Variants in VPS53 observed in about 807,000 individuals in gnomAD.
VPS53 encodes VPS53 subunit of GARP complex.
A neutral mutation model predicts 107.0 loss-of-function variants in VPS53; 70 were observed. The ratio of observed to expected loss-of-function variants is 0.65; its 90% confidence interval spans 0.54 to 0.80. VPS53 has a LOEUF of 0.80. Ranked by LOEUF, VPS53 falls within the 30% of genes least tolerant of loss-of-function variation. The pLI is 0.00. For synonymous variants in VPS53, 409 were observed against 393.3 expected (o/e 1.04, Z -0.47); for missense variants, 917 against 1,049.4 (o/e 0.87, Z 1.74).
rs187045881 is a variant in VPS53, at chr17:586,170, C to T, written c.1313+100G>A. On this transcript the variant is annotated intron_variant, in intron 13 of 21. Transcript: ENST00000437048. ...AGGGAGGGTCACAGGCATGCCACAA[C>T]CATCTTTCAGCCCCGGAAGGAGCTG... The T allele has an allele frequency of 2.1e-3, 2,237 of 1,063,716 alleles. 8 individuals carry two copies. The highest frequency in any genetic ancestry group is 6.4e-3 in the Middle Eastern group (31 of 4,880). The allele number at this position is 1,063,716 out of a possible 1,614,324, so 65.9% of individuals were successfully genotyped here.
chr17:536,803 G>T, intron 18 of VPS53: 1 of 516,028 alleles, frequency 1.9e-6, no homozygotes, highest in Non-Finnish European at 3.4e-6. Flanking sequence ...GTCAGAGTCC[G>T]GGTGATAATG....
At chr17:627,745 A>G (rs1029253608) in intron 9 of VPS53, among the ~76,000 whole-genome samples, 2 of 149,598 alleles carry the variant, frequency 1.3e-5, no homozygotes, top group Non-Finnish European at 3.0e-5. Context: ...ACTGCGTTCC[A>G]GCCTGGGCAA....
intron 11 of VPS53, among the ~76,000 whole-genome samples, chr17:607,010 C>T (rs1167063767): frequency 1.3e-5 from 2 of 152,048 alleles, no homozygotes. Flanking sequence ...ATGCATTTCT[C>T]AGAACATATT....
intron 13 of VPS53, among the ~76,000 whole-genome samples, chr17:565,893 C>A (rs182615892): frequency 6.6e-6 from 1 of 152,160 alleles, no homozygotes; most frequent in African/African-American, 2.4e-5. Flanking sequence ...TTAGACAGTG[C>A]GAGGATGCCA....
chr17:553,443 T>C lies in VPS53; in HGVS notation c.1724A>G (p.Glu575Gly), dbSNP rs1349116518. Reference sequence around the variant, plus strand: ...TTCAATCAGACTTACATCCACTTTTTCTTTGAGTTTTTCTTCTAGCTGTTG... The same window carrying C: ...TTCAATCAGACTTACATCCACTTTTCCTTTGAGTTTTTCTTCTAGCTGTTG... The part of the protein sequence containing the change: ...TTQQLEEKLK[E>G]KVDVSLIERI... The change falls in exon 16 of 22, where the codon GAA becomes GGA. Residue 575 changes from glutamate to glycine, a missense_variant. Physicochemically the swap from Glu to Gly is moderately conservative, Grantham distance 98. Transcript: ENST00000437048. 1 of 1,614,036 alleles carries C rather than the reference T, an allele frequency of 6.2e-7. No individual in the cohort carries two copies. The highest frequency in any genetic ancestry group is 8.5e-7 in the Non-Finnish European group (1 of 1,180,012).
intron 16 of VPS53, chr17:552,968 C>A: frequency 2.6e-5 from 3 of 114,866 alleles, no homozygotes; most frequent in Non-Finnish European, 3.2e-5. Flanking sequence ...AGGCAGTGAG[C>A]AAGCGTGTAC....
chr17:620,055 C>T (rs1969403990), intron 11 of VPS53, among the ~76,000 whole-genome samples: 1 of 152,208 alleles, frequency 6.6e-6, no homozygotes, highest in African/African-American at 2.4e-5. Context: ...ATTTTTTTCC[C>T]TTGTTACTAA....
At position 644,377 on chromosome 17, in the gene VPS53, G is replaced by A. The variant is rs558078178; in HGVS notation, c.608+8914C>T. Among the ~76,000 whole-genome samples, 23 of 152,208 alleles carry A rather than the reference G, an allele frequency of 1.5e-4. 1 individual carries two copies. The South Asian group carries it at 2.1e-3, about 14-fold the overall frequency. On this transcript the variant is annotated intron_variant, in intron 7 of 21. Transcript: ENST00000437048. ...GGTGGTAACCCGCCTGCCATCTCCC[G>A]CCCCTTACAACAAATAGCTATTTCT...
chr17:581,486 T>C (rs756003822), intron 13 of VPS53, among the ~76,000 whole-genome samples: 3 of 151,062 alleles, frequency 2.0e-5, no homozygotes, highest in Non-Finnish European at 4.4e-5. Flanking sequence ...ACATAATGCG[T>C]TCCCAAAGAA....
intron 2 of VPS53, among the ~76,000 whole-genome samples, chr17:702,928 G>A (rs965799201): frequency 4.6e-5 from 7 of 152,184 alleles, no homozygotes; most frequent in African/African-American, 1.4e-4. Context: ...GGCGGAGGCC[G>A]GGCATGGTGG....
chr17:590,354 C>T (rs1395229259), intron 12 of VPS53, among the ~76,000 whole-genome samples: 34 of 152,208 alleles, frequency 2.2e-4, no homozygotes, highest in East Asian at 5.8e-4. Context: ...CTTCTCCTAA[C>T]TGAATACCCT....
intron 2 of VPS53, among the ~76,000 whole-genome samples, chr17:703,069 C>A (rs1353148834): frequency 6.6e-6 from 1 of 152,114 alleles, no homozygotes; most frequent in Non-Finnish European, 1.5e-5. Context: ...ACTACCTGGG[C>A]TTGCTGGTGC....
intron 4 of VPS53, among the ~76,000 whole-genome samples, chr17:683,724 G>A (rs1002186563): frequency 9.2e-5 from 14 of 152,208 alleles, no homozygotes; most frequent in Non-Finnish European, 1.6e-4. Context: ...ATAGCTGGGT[G>A]TGGTGGCACA....
chr17:657,880 GGATA>G (rs1404804868), intron 5 of VPS53, among the ~76,000 whole-genome samples: 4 of 151,990 alleles, frequency 2.6e-5, no homozygotes, highest in African/African-American at 9.7e-5. Flanking sequence ...GGGAGTTCGT[GGATA>G]GATACATCCC....
At chr17:668,853 C>A (rs73977003) in intron 4 of VPS53, among the ~76,000 whole-genome samples, 10,482 of 152,220 alleles carry the variant, frequency 0.069, 566 homozygotes, top group African/African-American at 0.15. Context: ...TTACATTAAA[C>A]CTGGCATCCT....
chr17:550,383 A>C (rs1368985701), intron 17 of VPS53, among the ~76,000 whole-genome samples: 4 of 152,226 alleles, frequency 2.6e-5, no homozygotes, highest in Non-Finnish European at 5.9e-5. Flanking sequence ...TTTTCTGTAA[A>C]GGGCCAGACA....
chr17:589,481 T>C (rs1026440272), intron 12 of VPS53, among the ~76,000 whole-genome samples: 1 of 152,072 alleles, frequency 6.6e-6, no homozygotes, highest in Non-Finnish European at 1.5e-5. Context: ...AACTTACAAA[T>C]TGTTCTAAAG....
At chr17:669,043 T>C (rs773129398) in intron 4 of VPS53, among the ~76,000 whole-genome samples, 1 of 152,196 alleles carries the variant, frequency 6.6e-6, no homozygotes, top group Non-Finnish European at 1.5e-5. Context: ...CTATAATTCA[T>C]TTTGCAGAGT....
chr17:572,288 G>A (rs1914200459), intron 13 of VPS53, among the ~76,000 whole-genome samples: 1 of 150,792 alleles, frequency 6.6e-6, no homozygotes, highest in Non-Finnish European at 1.5e-5. Flanking sequence ...TCTGAGAAGG[G>A]AGGAGACCCT....
Sources: gnomAD v4.1 joint callset for allele counts (sites outside exome capture counted in the v4.1 genomes callset) on GRCh38, gnomAD v4.1.1 for gene constraint, MANE v1.5 for transcripts, NCBI Gene and HGNC (gene_info 2026-07-23, HGNC 2026-07-21) for gene names.